The following ABCD3 variants were observed in gnomAD, a reference collection of about 807,000 sequenced individuals.
ABCD3 encodes the protein ATP-binding cassette sub-family D member 3.
In ABCD3, 41 loss-of-function variants were observed where a neutral mutation model predicts 105.5. The observed-to-expected ratio is 0.39, with a 90% CI of 0.30 to 0.50. The LOEUF is 0.50. Ranked by LOEUF, ABCD3 falls within the 20% of genes least tolerant of loss-of-function variation. The pLI, the probability that ABCD3 is intolerant of heterozygous loss-of-function variation, is 0.84. For synonymous variants in ABCD3, 258 were observed against 269.0 expected (o/e 0.96, Z 0.40); for missense variants, 622 against 806.3 (o/e 0.77, Z 2.77).
the ABCD3 span, among the ~76,000 whole-genome samples, chr1:94,410,915 G>C: frequency 6.6e-6 from 1 of 152,182 alleles, no homozygotes; most frequent in East Asian, 1.9e-4. Context: ...TGCTGGGACA[G>C]CTGGATATCC....
chr1:94,473,016 A>G (rs1040973570), intron 4 of ABCD3, among the ~76,000 whole-genome samples: 2 of 152,198 alleles, frequency 1.3e-5, no homozygotes, highest in Admixed American at 1.3e-4. Flanking sequence ...TGTATATTTT[A>G]AAAGCAGAAA....
chr1:94,402,783 T>C, the ABCD3 span, among the ~76,000 whole-genome samples: 1 of 152,214 alleles, frequency 6.6e-6, no homozygotes, highest in Non-Finnish European at 1.5e-5. Context: ...TTATTATGAA[T>C]ATAATACTTC....
chr1:94,494,974 A>G (rs1649728259), intron 16 of ABCD3, among the ~76,000 whole-genome samples: 2 of 152,146 alleles, frequency 1.3e-5, no homozygotes, highest in Admixed American at 1.3e-4. Context: ...CTGGTTACGC[A>G]GGCGGCTGAG....
chr1:94,460,025 G>A (rs934605982), intron 2 of ABCD3, among the ~76,000 whole-genome samples: 1 of 152,072 alleles, frequency 6.6e-6, no homozygotes, highest in Non-Finnish European at 1.5e-5. Flanking sequence ...CATTTAGGTT[G>A]CTTCTACTTT....
At chr1:94,448,494 C>G (rs1297750552) in intron 1 of ABCD3, among the ~76,000 whole-genome samples, 3 of 152,176 alleles carry the variant, frequency 2.0e-5, no homozygotes, top group Non-Finnish European at 4.4e-5. Context: ...TATTTTGGAT[C>G]AAAAGGTAAA....
chr1:94,439,674 A>G (rs1660062984), intron 1 of ABCD3, among the ~76,000 whole-genome samples: 1 of 151,996 alleles, frequency 6.6e-6, no homozygotes, highest in African/African-American at 2.4e-5. Context: ...GAAATTGTAT[A>G]TTTGTATATA....
intron 10 of ABCD3, among the ~76,000 whole-genome samples, chr1:94,485,295 A>G: frequency 1.3e-5 from 2 of 152,204 alleles, no homozygotes; most frequent in Non-Finnish European, 2.9e-5. Context: ...GCTAAGGATG[A>G]TGGTGGTGGA....
At chr1:94,457,397 T>C (rs1239785369) in intron 1 of ABCD3, among the ~76,000 whole-genome samples, 2 of 152,212 alleles carry the variant, frequency 1.3e-5, no homozygotes, top group Non-Finnish European at 2.9e-5. Flanking sequence ...GGTGTCCTGG[T>C]ATCTTACTAC....
chr1:94,391,037 G>A, the ABCD3 span, among the ~76,000 whole-genome samples: 223 of 152,202 alleles, frequency 1.5e-3, 2 homozygotes, highest in East Asian at 0.017. Flanking sequence ...TCACAGTTAC[G>A]CTGATAAATA....
the ABCD3 span, among the ~76,000 whole-genome samples, chr1:94,390,910 C>T: frequency 2.6e-5 from 4 of 152,176 alleles, no homozygotes; most frequent in Non-Finnish European, 4.4e-5. Context: ...TCTATGCCCC[C>T]ATTCTAACTG....
intron 1 of ABCD3, among the ~76,000 whole-genome samples, chr1:94,456,642 G>T (rs1024677521): frequency 1.3e-5 from 2 of 150,478 alleles, no homozygotes; most frequent in African/African-American, 2.5e-5. Context: ...TTTATCCATT[G>T]ATCTCTCGAT....
rs1432929079 is a variant in ABCD3 at position 94,517,794 on chromosome 1, G to T, written c.*665G>T. ...CAGTATTGAGTTGTTTAAAGTATATGTGCAGTCTTGCTTACAAGGAGGGGT... is the reference window on the plus strand; with the variant it reads ...CAGTATTGAGTTGTTTAAAGTATATTTGCAGTCTTGCTTACAAGGAGGGGT... On this transcript the variant is annotated 3_prime_UTR_variant, in exon 23 of 23. Coordinates refer to ENST00000370214, the MANE Select transcript of ABCD3 (RefSeq NM_002858.4). The T allele has an allele frequency of 6.5e-6, 1 of 152,780 alleles. No individual in the cohort carries two copies. The highest frequency in any genetic ancestry group is 2.4e-5 in the African/African-American group (1 of 41,360). 9.5% of individuals were successfully genotyped at this position (152,780 alleles called of 1,614,324 possible). A position where few individuals can be genotyped will look rare whatever the true frequency, so the allele number is the denominator to read the frequency against.
At chr1:94,443,269 A>C (rs929555628) in intron 1 of ABCD3, among the ~76,000 whole-genome samples, 6 of 152,090 alleles carry the variant, frequency 3.9e-5, no homozygotes, top group Admixed American at 3.3e-4. Context: ...TCTTCTTTTG[A>C]AAAATGTCTG....
Position 94,487,803 on chromosome 1 carries a change from A to G in ABCD3, c.1065+12A>G, listed in dbSNP as rs370125125. 39 of 1,612,884 alleles carry G rather than the reference A, an allele frequency of 2.4e-5. No individual in the cohort carries two copies. The African/African-American group carries it at 4.5e-4, about 19-fold the overall frequency. ...CGGAACTTCTAGAGGTAAACTGATG[A>G]TAATACAATGAAAATGTAACAGTAA... is the stretch of plus-strand genomic sequence containing the variant. On this transcript the variant is annotated intron_variant, in intron 12 of 22. Transcript: ENST00000370214.
At chr1:94,502,545 G>C (rs1008653063) in intron 20 of ABCD3, among the ~76,000 whole-genome samples, 13 of 150,010 alleles carry the variant, frequency 8.7e-5, no homozygotes, top group African/African-American at 3.0e-4. Flanking sequence ...CGCCCAGGCC[G>C]GAGTGCAGTG....
At position 94,506,530 on chromosome 1, in the gene ABCD3, T is replaced by C. The variant is rs773591845; in HGVS notation, c.1741-8T>C. 1 of 1,606,960 alleles carries C rather than the reference T, an allele frequency of 6.2e-7. No individual in the cohort carries two copies. The highest frequency in any genetic ancestry group is 2.2e-5 in the East Asian group (1 of 44,728). On this transcript the variant is annotated splice_polypyrimidine_tract_variant and splice_region_variant and intron_variant, in intron 20 of 22. Coordinates refer to ENST00000370214, the MANE Select transcript of ABCD3 (RefSeq NM_002858.4). ...TGTTTTACACAAAAAATTTTTTTTA[T>C]GCTTCAGATGGCAAGATTATTTTAT...
the ABCD3 span, among the ~76,000 whole-genome samples, chr1:94,400,479 A>G: frequency 6.6e-6 from 1 of 152,114 alleles, no homozygotes; most frequent in Admixed American, 6.6e-5. Flanking sequence ...TGAGGAACTG[A>G]AGAAAATGAG....
At chr1:94,514,601 G>A (rs1650843193) in intron 21 of ABCD3, 1 of 152,520 alleles carries the variant, frequency 6.6e-6, no homozygotes, top group African/African-American at 2.4e-5. Context: ...AACTCTATAT[G>A]TCTCAATATC....
In ABCD3 at chr1:94,491,210, C is replaced by A; in HGVS notation, c.1349C>A (p.Pro450Gln). The change falls in exon 16 of 23, where the codon CCA becomes CAA. Residue 450 changes from proline to glutamine, a missense_variant. Coordinates refer to ENST00000370214, the MANE Select transcript of ABCD3 (RefSeq NM_002858.4). ...IKFDHVPLAT[P>Q]NGDVLIRDLN... is the part of the protein sequence containing the mutation. ...TTTGATCATGTTCCTTTAGCAACGC[C>A]AAATGGAGATGTTTTGATCCGAGAC... The A allele has an allele frequency of 6.2e-7, 1 of 1,612,188 alleles. No individual in the cohort carries two copies. Among genetic ancestry groups the A allele is most frequent in the Non-Finnish European group, 8.5e-7 (1 of 1,178,792 alleles).
Sources: allele counts gnomAD v4.1 joint callset (sites outside exome capture counted in the v4.1 genomes callset), GRCh38; gene constraint gnomAD v4.1.1; transcripts MANE v1.5; gene names NCBI Gene and HGNC (gene_info 2026-07-23, HGNC 2026-07-21).